Variants in LGSN observed in about 807,000 individuals in gnomAD.
LGSN encodes lengsin, lens protein with glutamine synthetase domain, also known as lengsin.
LGSN carries 21 observed loss-of-function variants against 19.5 expected under a neutral mutation model. The ratio of observed to expected loss-of-function variants is 1.07; its 90% CI spans 0.76 to 1.55. LGSN has a LOEUF of 1.55. Among genes scored for constraint, LGSN ranks in the 40% most tolerant of loss-of-function variants. The probability of loss-of-function intolerance (pLI) is 0.00; values close to 1 mark genes in which losing one functional copy is unlikely to be tolerated. For synonymous variants in LGSN, 257 were observed against 215.6 expected (o/e 1.19, Z -1.68); for missense variants, 673 against 608.5 (o/e 1.11, Z -1.12).
At chr6:63,413,024 A>T in the LGSN span, among the ~76,000 whole-genome samples, 1 of 152,152 alleles carries the variant, frequency 6.6e-6, no homozygotes, top group South Asian at 2.1e-4. Flanking sequence ...GTGCTAAAAT[A>T]AGTCAATAAG....
the LGSN span, among the ~76,000 whole-genome samples, chr6:63,339,218 T>C: frequency 6.6e-6 from 1 of 152,174 alleles, no homozygotes; most frequent in African/African-American, 2.4e-5. Context: ...TTAAGTCTGA[T>C]GTTTCTTTGT....
chr6:63,327,934 G>A, the LGSN span, among the ~76,000 whole-genome samples: 143 of 152,198 alleles, frequency 9.4e-4, no homozygotes, highest in Middle Eastern at 6.8e-3. Context: ...TTCCTGCACC[G>A]TGTGCAGTAA....
At chr6:63,356,640 ATG>A in the LGSN span, among the ~76,000 whole-genome samples, 1 of 152,162 alleles carries the variant, frequency 6.6e-6, no homozygotes, top group African/African-American at 2.4e-5. Flanking sequence ...GTAGTCAAAG[ATG>A]TGACATTTGG....
At chr6:63,532,434 C>T in the LGSN span, among the ~76,000 whole-genome samples, 2 of 152,280 alleles carry the variant, frequency 1.3e-5, no homozygotes, top group Admixed American at 1.3e-4. Context: ...CTGCTCATGG[C>T]TGCATACATC....
the LGSN span, among the ~76,000 whole-genome samples, chr6:63,399,802 C>T: frequency 4.0e-5 from 6 of 151,212 alleles, no homozygotes; most frequent in African/African-American, 1.5e-4. Flanking sequence ...CTCAAGGAAT[C>T]CTCTCACCTC....
In LGSN at chr6:63,282,201, T is replaced by C. The variant is rs547958006; in HGVS notation, c.331-981A>G. On this transcript the variant is annotated intron_variant, in intron 3 of 3. Coordinates refer to ENST00000370657, the MANE Select transcript of LGSN (RefSeq NM_016571.3). Reference sequence around the variant, plus strand: ...AAAACAATTTCTGGAAATTATGTATTAGAAATATCAACAAGGTTGAAGGTT... The same window carrying C: ...AAAACAATTTCTGGAAATTATGTATCAGAAATATCAACAAGGTTGAAGGTT... Among the ~76,000 whole-genome samples the C allele has an allele frequency of 2.0e-5, 3 of 152,282 alleles. No individual in the cohort carries two copies. In the South Asian group the frequency reaches 6.2e-4, roughly 32 times the overall value.
chr6:63,475,253 T>C, the LGSN span, among the ~76,000 whole-genome samples: 4 of 150,676 alleles, frequency 2.7e-5, no homozygotes, highest in East Asian at 2.0e-4. Context: ...GCCAACCCCA[T>C]TGGCATGCTG....
chr6:63,532,944 G>A, the LGSN span, among the ~76,000 whole-genome samples: 200 of 152,284 alleles, frequency 1.3e-3, 1 homozygote, highest in African/African-American at 4.6e-3. Flanking sequence ...CATACCCGAT[G>A]TGAGCCTTCA....
At chr6:63,337,099 A>G in the LGSN span, among the ~76,000 whole-genome samples, 5 of 150,742 alleles carry the variant, frequency 3.3e-5, no homozygotes. Flanking sequence ...AATTTTTTGT[A>G]TCTTTAGTAG....
At chr6:63,544,649 C>G in the LGSN span, among the ~76,000 whole-genome samples, 1 of 152,008 alleles carries the variant, frequency 6.6e-6, no homozygotes, top group African/African-American at 2.4e-5. Flanking sequence ...TTCTATATGA[C>G]CTTGACGTTT....
At chr6:63,459,230 T>G in the LGSN span, among the ~76,000 whole-genome samples, 1 of 152,198 alleles carries the variant, frequency 6.6e-6, no homozygotes, top group Non-Finnish European at 1.5e-5. Flanking sequence ...CCATTTTGGT[T>G]CTCTCAAAAG....
At chr6:63,464,582 TATGTC>T in the LGSN span, among the ~76,000 whole-genome samples, 1 of 150,300 alleles carries the variant, frequency 6.7e-6, no homozygotes, top group Non-Finnish European at 1.5e-5. Flanking sequence ...TGGAGAAAAA[TATGTC>T]AGGTTAGAAG....
At chr6:63,303,656 A>ATTG (rs1768271332) in intron 1 of LGSN, among the ~76,000 whole-genome samples, 2 of 152,232 alleles carry the variant, frequency 1.3e-5, no homozygotes, top group Admixed American at 6.5e-5. Context: ...GCTTCAATGC[A>ATTG]TTGTGCCAAA....
At chr6:63,358,643 T>C in the LGSN span, among the ~76,000 whole-genome samples, 15 of 152,334 alleles carry the variant, frequency 9.8e-5, no homozygotes, top group Non-Finnish European at 1.6e-4. Flanking sequence ...TGTCTGTTAT[T>C]GGTGTATAAG....
At chr6:63,404,960 C>T in the LGSN span, among the ~76,000 whole-genome samples, 1 of 118,208 alleles carries the variant, frequency 8.5e-6, no homozygotes, top group Non-Finnish European at 1.7e-5. Flanking sequence ...CCCCCCGCCC[C>T]CCACCCCACA....
chr6:63,315,616 C>G (rs991872306), intron 1 of LGSN, among the ~76,000 whole-genome samples: 4 of 114,772 alleles, frequency 3.5e-5, no homozygotes, highest in East Asian at 2.6e-4. Flanking sequence ...CTCTCTCTCT[C>G]TCTGTGTGTG....
the LGSN span, among the ~76,000 whole-genome samples, chr6:63,417,613 AAC>A: frequency 6.6e-6 from 1 of 152,222 alleles, no homozygotes; most frequent in Non-Finnish European, 1.5e-5. Context: ...ACTATGGCTT[AAC>A]ACATATAAAC....
chr6:63,453,633 T>C, the LGSN span, among the ~76,000 whole-genome samples: 1 of 152,256 alleles, frequency 6.6e-6, no homozygotes, highest in East Asian at 1.9e-4. Context: ...GTTCTTTTAC[T>C]TTGAACAAAC....
chr6:63,446,975 G>A, the LGSN span, among the ~76,000 whole-genome samples: 1 of 152,212 alleles, frequency 6.6e-6, no homozygotes, highest in Non-Finnish European at 1.5e-5. Context: ...CTTGAACCCA[G>A]GAGGCGGAGG....
Sources: gnomAD v4.1 joint callset for allele counts (sites outside exome capture counted in the v4.1 genomes callset) on GRCh38, gnomAD v4.1.1 for gene constraint, MANE v1.5 for transcripts, NCBI Gene and HGNC (gene_info 2026-07-23, HGNC 2026-07-21) for gene names.